The following DDR2 variants were observed in gnomAD, a reference collection of about 807,000 sequenced individuals.
The protein encoded by DDR2 is discoidin domain receptor tyrosine kinase 2, also known as discoidin domain-containing receptor 2.
A neutral mutation model predicts 94.9 loss-of-function variants in DDR2; 27 were observed. That is an observed-to-expected ratio of 0.28 (90% CI 0.21 to 0.39). The LOEUF (loss-of-function observed/expected upper bound fraction) is 0.39, where lower values mean the gene tolerates loss of function less well. Ranked by LOEUF, DDR2 falls within the 10% of genes least tolerant of loss-of-function variation. The pLI is 1.00. For missense variants in DDR2, 783 were observed against 1,076.0 expected (o/e 0.73, Z 3.81); for synonymous variants, 382 against 377.2 (o/e 1.01, Z -0.15).
chr1:162,776,130 C>T lies in DDR2; in HGVS notation c.2049-6C>T, dbSNP rs748572255. On this transcript the variant is annotated splice_region_variant and splice_polypyrimidine_tract_variant and intron_variant, in intron 15 of 17. Coordinates refer to ENST00000367921, the MANE Select transcript of DDR2 (RefSeq NM_006182.4). ...CTACCTTCTGTCTTCTTGTCTATTT[C>T]CTCAGTTACACCAATCTGAAGTTTA... The T allele has an allele frequency of 8.0e-5, 129 of 1,608,546 alleles. No individual in the cohort carries two copies. The highest frequency in any genetic ancestry group is 1.1e-4 in the Non-Finnish European group (127 of 1,175,546).
In DDR2 at chr1:162,781,917, A is replaced by T. The variant is rs1647925488; in HGVS notation, c.*1671A>T. The T allele has an allele frequency of 6.6e-6, 1 of 152,260 alleles. No homozygotes were observed. The allele number at this position is 152,260 out of a possible 1,614,324, so 9.4% of individuals were successfully genotyped here. ...TGTTGCCCTCACCAGTTTACCTTCT[A>T]CAACAGTTTCTCAGGAACATGTGTA... On this transcript the variant is annotated 3_prime_UTR_variant, in exon 18 of 18. Coordinates refer to ENST00000367921, the MANE Select transcript of DDR2 (RefSeq NM_006182.4).
At chr1:162,718,937 A>G in intron 2 of DDR2, 100 bp from the exon 3 acceptor site, 1 of 1,260,290 alleles carries the variant, frequency 7.9e-7, no homozygotes, top group South Asian at 1.2e-5. Flanking sequence ...AGGAACACAA[A>G]ATTAATTGTG....
intron 2 of DDR2, among the ~76,000 whole-genome samples, chr1:162,694,196 G>T (rs187022283): frequency 2.0e-4 from 31 of 152,146 alleles, no homozygotes; most frequent in African/African-American, 7.5e-4. Flanking sequence ...CTGATTTTAA[G>T]TCACTGACTG....
intron 1 of DDR2, among the ~76,000 whole-genome samples, chr1:162,633,290 G>A (rs2101875937): frequency 6.6e-6 from 1 of 152,284 alleles, no homozygotes; most frequent in East Asian, 1.9e-4. Flanking sequence ...TTTCATTTGG[G>A]ACCTCTGAGT....
At chr1:162,729,807 A>G (rs2805034) in intron 3 of DDR2, among the ~76,000 whole-genome samples, 128,392 of 151,570 alleles carry the variant, frequency 0.85, 55,084 homozygotes, top group Non-Finnish European at 0.92. Flanking sequence ...GCAATGGCGC[A>G]ATCTCGGCTC....
chr1:162,775,457 A>G (rs1462905057), intron 14 of DDR2, among the ~76,000 whole-genome samples, 195 bp from the exon 15 acceptor site: 1 of 152,196 alleles, frequency 6.6e-6, no homozygotes, highest in Non-Finnish European at 1.5e-5. Flanking sequence ...TTACAATTGA[A>G]TAAGGGCCCA....
intron 3 of DDR2, among the ~76,000 whole-genome samples, chr1:162,741,372 C>G (rs1364673274): frequency 6.8e-6 from 1 of 147,702 alleles, no homozygotes; most frequent in South Asian, 2.2e-4. Context: ...CCGAAATGCT[C>G]TAATGAGCAT....
chr1:162,693,978 C>T (rs1017925331), intron 2 of DDR2, among the ~76,000 whole-genome samples: 15 of 152,122 alleles, frequency 9.9e-5, no homozygotes, highest in African/African-American at 3.1e-4. Context: ...CAGGCTCAAG[C>T]GCTTCTTCTG....
At chr1:162,674,190 C>T (rs749786602) in intron 2 of DDR2, among the ~76,000 whole-genome samples, 9 of 152,160 alleles carry the variant, frequency 5.9e-5, no homozygotes, top group Non-Finnish European at 1.2e-4. Context: ...ACCATCCATT[C>T]AAGTACTCAA....
At chr1:162,731,940 C>T (rs1242573768) in intron 3 of DDR2, among the ~76,000 whole-genome samples, 1 of 152,172 alleles carries the variant, frequency 6.6e-6, no homozygotes, top group Non-Finnish European at 1.5e-5. Context: ...CATAGCTACC[C>T]AGTTTCCTCT....
intron 1 of DDR2, among the ~76,000 whole-genome samples, chr1:162,643,092 A>C (rs923633019): frequency 6.6e-6 from 1 of 152,100 alleles, no homozygotes; most frequent in Admixed American, 6.5e-5. Context: ...AAGAGGATTG[A>C]TGGTTTTCCT....
At chr1:162,722,039 T>G (rs1661446262) in intron 3 of DDR2, among the ~76,000 whole-genome samples, 1 of 152,224 alleles carries the variant, frequency 6.6e-6, no homozygotes, top group East Asian at 1.9e-4. Flanking sequence ...AATATCAATC[T>G]TGGTGTCTCA....
Position 162,755,745 on chromosome 1 carries a change from T to C in DDR2, c.647T>C (p.Val216Ala). 1.2e-6 allele frequency: 2 copies of C among 1,614,172 alleles called. No individual in the cohort carries two copies. Among genetic ancestry groups the C allele is most frequent in the Non-Finnish European group, 1.7e-6 (2 of 1,179,990 alleles). The change falls in exon 7 of 18, where the codon GTC (valine) becomes GCC (alanine). Residue 216 changes from valine (V) to alanine (A), a missense_variant. Physicochemically the swap from Val to Ala is moderately conservative, Grantham distance 64. Transcript: ENST00000367921. ...GGSIIYLNDS[V>A]YDGAVGYSMT... ...TCCATCATTTATCTGAATGATTCTG[T>C]CTATGATGGAGCTGTTGGATACAGG...
chr1:162,680,217 C>T (rs1041126539), intron 2 of DDR2, among the ~76,000 whole-genome samples: 1 of 152,094 alleles, frequency 6.6e-6, no homozygotes, highest in Non-Finnish European at 1.5e-5. Context: ...AGTCCTATGT[C>T]CAGAATGGTA....
chr1:162,660,822 G>A (rs552983525), intron 2 of DDR2, among the ~76,000 whole-genome samples: 4 of 152,168 alleles, frequency 2.6e-5, no homozygotes, highest in Non-Finnish European at 4.4e-5. Flanking sequence ...TCACAGTGAC[G>A]CTCATGTATT....
intron 9 of DDR2, 120 bp downstream of exon 9, chr1:162,761,574 A>C: frequency 7.4e-6 from 11 of 1,491,616 alleles, no homozygotes; most frequent in Non-Finnish European, 1.0e-5. Flanking sequence ...GCAGCTTCTC[A>C]TTGACGGATA....
rs571165266 is a variant in DDR2 at position 162,783,011 on chromosome 1, C to T, written c.*2765C>T. On this transcript the variant is annotated 3_prime_UTR_variant, in exon 18 of 18. Transcript: ENST00000367921. Reference sequence around the variant, plus strand: ...ACCCAACAGAATACATGGTGAGGGCCTAGTATGTAGAATTTGAAAGTAGTT... The same window carrying T: ...ACCCAACAGAATACATGGTGAGGGCTTAGTATGTAGAATTTGAAAGTAGTT... The T allele has an allele frequency of 6.6e-6, 1 of 151,930 alleles. No individual in the cohort carries two copies. Among genetic ancestry groups the T allele is most frequent in the East Asian group, 1.9e-4 (1 of 5,180 alleles). The allele number at this position is 151,930 out of a possible 1,614,324, so 9.4% of individuals were successfully genotyped here.
chr1:162,695,075 T>TA (rs929765650), intron 2 of DDR2, among the ~76,000 whole-genome samples: 20 of 150,796 alleles, frequency 1.3e-4, no homozygotes, highest in African/African-American at 3.9e-4. Context: ...ACTTAATTGC[T>TA]AAAAAAAAAA....
chr1:162,655,552 T>C (rs200652658), intron 2 of DDR2, among the ~76,000 whole-genome samples, 178 bp downstream of exon 2: 36 of 152,336 alleles, frequency 2.4e-4, no homozygotes, highest in African/African-American at 8.7e-4. Context: ...AGGAAATCTG[T>C]TGTGGACTGT....
Sources: gnomAD v4.1 joint callset for allele counts (sites outside exome capture counted in the v4.1 genomes callset) on GRCh38, gnomAD v4.1.1 for gene constraint, MANE v1.5 for transcripts, NCBI Gene and HGNC (gene_info 2026-07-23, HGNC 2026-07-21) for gene names.